Variants in PAGE2B observed in about 807,000 individuals in gnomAD.
The protein encoded by PAGE2B is putative G antigen family E member 3.
In PAGE2B, 5 loss-of-function variants were observed where a neutral mutation model predicts 7.6. The observed-to-expected ratio is 0.66, with a 90% CI of 0.34 to 1.38. The LOEUF (loss-of-function observed/expected upper bound fraction) is 1.38, where lower values mean the gene tolerates loss of function less well. Ranked by LOEUF, PAGE2B falls within the 40% of genes most tolerant of loss-of-function variation. The pLI is 0.04. For synonymous variants in PAGE2B, 29 were observed against 26.7 expected, an observed-to-expected ratio of 1.09 and a Z score of -0.27; for missense variants, 70 against 78.4, an observed-to-expected ratio of 0.89 and a Z score of 0.41.
At chrX:55,044,624 G>A in the PAGE2B span, 2 of 111,139 alleles carry the variant, frequency 1.8e-5, no homozygotes, top group Non-Finnish European at 3.8e-5. Context: ...AAAAGTTCTG[G>A]TGTAACAAGG....
At chrX:55,075,270 C>T (rs918676003) in intron 1 of PAGE2B, among the ~76,000 whole-genome samples, 156 bp downstream of exon 1, 2 of 111,507 alleles carry the variant, frequency 1.8e-5, no homozygotes, top group Non-Finnish European at 3.8e-5. Context: ...GGGATGCCAC[C>T]GTGGGACTTG....
At chrX:55,038,221 T>A in the PAGE2B span, among the ~76,000 whole-genome samples, 2 of 110,744 alleles carry the variant, frequency 1.8e-5, no homozygotes, top group African/African-American at 6.6e-5. Context: ...AATTCACATA[T>A]TCATAATATG....
At chrX:55,044,480 A>G in the PAGE2B span, among the ~76,000 whole-genome samples, 3 of 111,413 alleles carry the variant, frequency 2.7e-5, no homozygotes, top group Non-Finnish European at 5.6e-5. Context: ...GGTGAGGGAT[A>G]AAAGACTACA....
At chrX:55,057,713 A>G in the PAGE2B span, among the ~76,000 whole-genome samples, 4 of 112,117 alleles carry the variant, frequency 3.6e-5, no homozygotes, top group African/African-American at 6.5e-5. Flanking sequence ...CCACCTAAAA[A>G]TCCCAGCAAA....
chrX:55,051,134 G>T, the PAGE2B span, among the ~76,000 whole-genome samples: 8 of 111,422 alleles, frequency 7.2e-5, no homozygotes, highest in African/African-American at 2.0e-4. Context: ...TTGAATATCG[G>T]CCCCCACTCA....
chrX:55,071,544 G>A (rs928595529), upstream of PAGE2B, among the ~76,000 whole-genome samples: 2 of 111,142 alleles, frequency 1.8e-5, no homozygotes, highest in African/African-American at 3.3e-5. Flanking sequence ...TGCTCTTCTC[G>A]AGGAGTATCT....
the PAGE2B span, among the ~76,000 whole-genome samples, chrX:55,031,539 A>C: frequency 2.7e-5 from 3 of 112,148 alleles, no homozygotes; most frequent in Non-Finnish European, 3.8e-5. Flanking sequence ...TACATGAATT[A>C]ATTTAGCCAC....
the PAGE2B span, among the ~76,000 whole-genome samples, chrX:55,062,575 CTT>C: frequency 9.0e-6 from 1 of 111,240 alleles, no homozygotes; most frequent in African/African-American, 3.3e-5. Flanking sequence ...TGATTGTTTC[CTT>C]TGCTGTGCAG....
At chrX:55,052,807 C>G in the PAGE2B span, among the ~76,000 whole-genome samples, 1 of 112,715 alleles carries the variant, frequency 8.9e-6, no homozygotes, top group South Asian at 3.6e-4. Context: ...GTGCACTGCA[C>G]CCACTGTCCG....
chrX:55,069,373 A>G, the PAGE2B span, among the ~76,000 whole-genome samples: 24 of 111,949 alleles, frequency 2.1e-4, no homozygotes, highest in African/African-American at 7.8e-4. Flanking sequence ...CCAGCCTTGC[A>G]TCCCAGGGAT....
chrX:55,076,161 C>A (rs373518399), intron 2 of PAGE2B, 36 bp downstream of exon 2: 1 of 1,176,471 alleles, frequency 8.5e-7, no homozygotes, highest in Non-Finnish European at 1.2e-6. Flanking sequence ...CCTATTAACA[C>A]AATTTATTTT....
chrX:55,051,524 C>T, the PAGE2B span, among the ~76,000 whole-genome samples: 2 of 111,321 alleles, frequency 1.8e-5, no homozygotes, highest in Non-Finnish European at 1.9e-5. Flanking sequence ...ATTCTTTTTT[C>T]TCTAAACTTC....
At chrX:55,072,426 G>C (rs1423007905), upstream of PAGE2B, among the ~76,000 whole-genome samples, 1 of 112,626 alleles carries the variant, frequency 8.9e-6, no homozygotes. Context: ...TCCTCTGGAA[G>C]CTTTGTCCCA....
chrX:55,061,300 G>C, the PAGE2B span, among the ~76,000 whole-genome samples: 1 of 111,104 alleles, frequency 9.0e-6, no homozygotes, highest in South Asian at 3.8e-4. Context: ...ACATGGGTAA[G>C]TTATGCGTCG....
chrX:55,070,955 A>C (rs753714839), upstream of PAGE2B, among the ~76,000 whole-genome samples: 210 of 111,285 alleles, frequency 1.9e-3, no homozygotes, highest in Non-Finnish European at 2.6e-3. Context: ...TCTCCTGAAC[A>C]CAGCACACTG....
At chrX:55,050,380 A>G in the PAGE2B span, among the ~76,000 whole-genome samples, 41,953 of 87,577 alleles carry the variant, frequency 0.48, 9,275 homozygotes, top group African/African-American at 0.72. Flanking sequence ...TTTCTGTCTC[A>G]TTGATCTGTC....
chrX:55,053,164 T>C, the PAGE2B span, among the ~76,000 whole-genome samples: 2 of 111,876 alleles, frequency 1.8e-5, no homozygotes, highest in Admixed American at 9.5e-5. Context: ...ATATCATACA[T>C]ATACACCATG....
At chrX:55,035,843 A>C in the PAGE2B span, among the ~76,000 whole-genome samples, 1 of 112,126 alleles carries the variant, frequency 8.9e-6, no homozygotes. Context: ...GAAGAAAGTC[A>C]TTGGTAGCTT....
the PAGE2B span, among the ~76,000 whole-genome samples, chrX:55,036,006 A>C: frequency 9.0e-6 from 1 of 111,683 alleles, no homozygotes; most frequent in Non-Finnish European, 1.9e-5. Context: ...TCCTTGAAGA[A>C]GTCCTTCACA....
Sources: allele counts gnomAD v4.1 joint callset (sites outside exome capture counted in the v4.1 genomes callset), GRCh38; gene constraint gnomAD v4.1.1; transcripts MANE v1.5; gene names NCBI Gene and HGNC (gene_info 2026-07-23, HGNC 2026-07-21).